RABL3: variants seen among roughly 807,000 people sequenced by gnomAD.
The protein encoded by RABL3 is rab-like protein 3.
Under a neutral mutation model 31.8 loss-of-function variants are expected in RABL3, and 31 were observed. That is an observed-to-expected ratio of 0.97 (90% CI 0.73 to 1.31). RABL3 has a LOEUF of 1.31. RABL3 is among the 40% of genes most tolerant of loss of function. RABL3 has a pLI of 0.00. For missense variants in RABL3, 263 were observed against 279.6 expected, an observed-to-expected ratio of 0.94 and a Z score of 0.42; for synonymous variants, 97 against 99.9, an observed-to-expected ratio of 0.97 and a Z score of 0.18.
rs1559807754 is a variant in RABL3, at chr3:120,686,204, T to G, written c.*3619A>C. ...AATTTCTAATTTCCTTCTCCTCCTT[T>G]CCCCAAAACAGACTCCTCCTTTGAA... On this transcript the variant is annotated 3_prime_UTR_variant, in exon 8 of 8. Coordinates refer to ENST00000273375, the MANE Select transcript of RABL3 (RefSeq NM_173825.5). 6.6e-6 allele frequency among the ~76,000 whole-genome samples: 1 copy of G among 152,166 alleles called. No homozygotes were observed. The highest frequency in any genetic ancestry group is 6.5e-5 in the Admixed American group (1 of 15,282).
At chr3:120,722,970 T>A (rs1365647195) in intron 2 of RABL3, among the ~76,000 whole-genome samples, 5 of 151,908 alleles carry the variant, frequency 3.3e-5, no homozygotes, top group African/African-American at 4.8e-5. Context: ...AAGGAAATAA[T>A]GATACAAAAA....
At chr3:120,729,313 T>C (rs1708856559) in intron 2 of RABL3, among the ~76,000 whole-genome samples, 1 of 152,044 alleles carries the variant, frequency 6.6e-6, no homozygotes, top group Non-Finnish European at 1.5e-5. Context: ...GTCTTGGCAA[T>C]GACAGAAATG....
intron 2 of RABL3, among the ~76,000 whole-genome samples, chr3:120,723,341 G>A (rs1708772647): frequency 6.6e-6 from 1 of 152,120 alleles, no homozygotes; most frequent in African/African-American, 2.4e-5. Flanking sequence ...AGGACCAGAT[G>A]GATTCACAGC....
chr3:120,710,277 A>G (rs978871681), intron 2 of RABL3: 9 of 156,496 alleles, frequency 5.8e-5, no homozygotes, highest in African/African-American at 1.9e-4. Flanking sequence ...CAACCCAGCA[A>G]CCGAATGTGG....
chr3:120,729,697 T>G (rs1708860396), intron 2 of RABL3, among the ~76,000 whole-genome samples: 1 of 152,034 alleles, frequency 6.6e-6, no homozygotes, highest in Admixed American at 6.6e-5. Context: ...AAAAGCAGAT[T>G]AGATATAATT....
chr3:120,721,706 T>TA (rs1208020696), intron 2 of RABL3, among the ~76,000 whole-genome samples: 1 of 152,154 alleles, frequency 6.6e-6, no homozygotes, highest in Non-Finnish European at 1.5e-5. Flanking sequence ...CAAAGACACT[T>TA]AGACTCCCAC....
rs1303779375 is a variant in RABL3, at chr3:120,686,519, C to T, written c.*3304G>A. On this transcript the variant is annotated 3_prime_UTR_variant, in exon 8 of 8. Transcript: ENST00000273375. ...AAGTGTCAGGGCACCTGGATTATAT[C>T]ATGAATGCCTCAAGTTTGAGGAATT... is the stretch of plus-strand genomic sequence containing the variant. Among the ~76,000 whole-genome samples, 1 of 152,172 alleles carries T rather than the reference C, an allele frequency of 6.6e-6. No homozygotes were observed. The highest frequency in any genetic ancestry group is 2.4e-5 in the African/African-American group (1 of 41,438).
rs571709618 is a variant in RABL3, at chr3:120,686,139, CCA to C, written c.*3682_*3683del. Among the ~76,000 whole-genome samples, 5 of 152,216 alleles carry C rather than the reference CCA, an allele frequency of 3.3e-5. No individual in the cohort carries two copies. The highest frequency in any genetic ancestry group is 7.3e-5 in the Non-Finnish European group (5 of 68,030). Reference sequence around the variant, plus strand: ...ACTTCCTGCGACCCTTCCTCTCCCACCACAGTGATTTAGCTCAGTCTTGGGAC... The same window carrying C: ...ACTTCCTGCGACCCTTCCTCTCCCACCAGTGATTTAGCTCAGTCTTGGGAC... On this transcript the variant is annotated 3_prime_UTR_variant, in exon 8 of 8. Transcript: ENST00000273375.
chr3:120,702,644 G>A (rs1167426371), intron 4 of RABL3, among the ~76,000 whole-genome samples: 2 of 150,528 alleles, frequency 1.3e-5, no homozygotes, highest in Non-Finnish European at 2.9e-5. Context: ...TGCAAGCTCC[G>A]TCTCCCAGGT....
intron 6 of RABL3, among the ~76,000 whole-genome samples, chr3:120,693,002 C>A (rs1341727177): frequency 6.6e-6 from 1 of 152,128 alleles, no homozygotes. Flanking sequence ...TGGCTCCTTG[C>A]AGTGCTGCAC....
intron 4 of RABL3, among the ~76,000 whole-genome samples, chr3:120,699,308 C>A (rs1012391920): frequency 1.3e-5 from 2 of 152,010 alleles, no homozygotes; most frequent in African/African-American, 2.4e-5. Flanking sequence ...AGAGGACGGG[C>A]AATAAGAACC....
chr3:120,724,107 G>T (rs931262045), intron 2 of RABL3, among the ~76,000 whole-genome samples: 1 of 152,122 alleles, frequency 6.6e-6, no homozygotes, highest in Non-Finnish European at 1.5e-5. Flanking sequence ...AAGGTCTCAG[G>T]ATACAAAATC....
At chr3:120,697,102 A>C (rs2107576565) in intron 5 of RABL3, among the ~76,000 whole-genome samples, 1 of 152,328 alleles carries the variant, frequency 6.6e-6, no homozygotes, top group Non-Finnish European at 1.5e-5. Flanking sequence ...GGTTATTCAA[A>C]ATTTTCCATA....
intron 2 of RABL3, among the ~76,000 whole-genome samples, chr3:120,723,312 T>G (rs1281027755): frequency 1.3e-5 from 2 of 152,106 alleles, no homozygotes. Flanking sequence ...ATTAATAGCT[T>G]ACCAAGCAAA....
chr3:120,701,540 C>T (rs1708491553), intron 4 of RABL3, among the ~76,000 whole-genome samples: 1 of 151,988 alleles, frequency 6.6e-6, no homozygotes, highest in South Asian at 2.1e-4. Context: ...GGATAAGTTT[C>T]TTAAGTAGAA....
chr3:120,693,036 C>T (rs767648216), intron 6 of RABL3, among the ~76,000 whole-genome samples: 5 of 152,074 alleles, frequency 3.3e-5, no homozygotes, highest in Admixed American at 6.5e-5. Context: ...TCATGGCACA[C>T]GTAGAAAATG....
At chr3:120,730,205 T>C (rs1007634325) in intron 2 of RABL3, among the ~76,000 whole-genome samples, 1 of 152,210 alleles carries the variant, frequency 6.6e-6, no homozygotes. Flanking sequence ...TTGTCAGAAC[T>C]AGCTGGCATT....
chr3:120,730,816 A>G lies in RABL3; in HGVS notation c.47-29T>C, dbSNP rs895769483. ...TAAGAGATACAAGAACTCTAGTCAC[A>G]TAAGAGACAAGGCTGAAATCTGTTT... On this transcript the variant is annotated intron_variant, in intron 1 of 7. Transcript: ENST00000273375. The G allele has an allele frequency of 6.9e-6, 10 of 1,439,804 alleles. No individual in the cohort carries two copies. In the African/African-American group the frequency reaches 8.4e-5, roughly 12 times the overall value. The allele number at this position is 1,439,804 out of a possible 1,614,324, so 89.2% of individuals were successfully genotyped here. A position where few individuals can be genotyped will look rare whatever the true frequency, so the allele number is the denominator to read the frequency against.
Position 120,705,982 on chromosome 3 carries a change from A to G in RABL3, c.383+18T>C, listed in dbSNP as rs780405022. The G allele has an allele frequency of 5.0e-6, 7 of 1,397,034 alleles. No individual in the cohort carries two copies. Among genetic ancestry groups the G allele is most frequent in the Non-Finnish European group, 7.1e-6 (7 of 981,878 alleles). 86.5% of individuals were successfully genotyped at this position (1,397,034 alleles called of 1,614,324 possible). ...GTGATTGCTACAATCTTTCAAACCAATTGTGAAATTGGCTCACCCATTTGT... is the reference window on the plus strand; with the variant it reads ...GTGATTGCTACAATCTTTCAAACCAGTTGTGAAATTGGCTCACCCATTTGT... On this transcript the variant is annotated intron_variant, in intron 4 of 7. Coordinates refer to ENST00000273375, the MANE Select transcript of RABL3 (RefSeq NM_173825.5).
Sources: gnomAD v4.1 joint callset for allele counts (sites outside exome capture counted in the v4.1 genomes callset) on GRCh38, gnomAD v4.1.1 for gene constraint, MANE v1.5 for transcripts, NCBI Gene and HGNC (gene_info 2026-07-23, HGNC 2026-07-21) for gene names.